The following ST6GALNAC1 variants were observed in gnomAD, a reference collection of about 807,000 sequenced individuals.
ST6GALNAC1 encodes the protein ST6 N-acetylgalactosaminide alpha-2,6-sialyltransferase 1, also known as alpha-N-acetylgalactosaminide alpha-2,6-sialyltransferase 1.
In ST6GALNAC1, 45 loss-of-function variants were observed where a neutral mutation model predicts 56.8. The ratio of observed to expected loss-of-function variants is 0.79; its 90% CI spans 0.62 to 1.02. The LOEUF is 1.02. Among genes scored for constraint, ST6GALNAC1 ranks in the 50% least tolerant of loss-of-function variants. The pLI is 0.00. For missense variants in ST6GALNAC1, 743 were observed against 754.8 expected (o/e 0.98, Z 0.18); for synonymous variants, 295 against 297.8 (o/e 0.99, Z 0.10).
At chr17:76,624,406 C>T (rs140030908), downstream of ST6GALNAC1, among the ~76,000 whole-genome samples, 653 of 152,122 alleles carry the variant, frequency 4.3e-3, 8 homozygotes, top group African/African-American at 0.015. Flanking sequence ...CCCGCCACCA[C>T]GCCCGGCTTA....
intron 1 of ST6GALNAC1, among the ~76,000 whole-genome samples, chr17:76,634,988 G>T (rs2075958479): frequency 6.6e-6 from 1 of 152,152 alleles, no homozygotes; most frequent in Non-Finnish European, 1.5e-5. Flanking sequence ...ACTTTACTTT[G>T]ACTTTAGATG....
At chr17:76,619,851 C>T (rs12450916), downstream of ST6GALNAC1, among the ~76,000 whole-genome samples, 67,817 of 148,132 alleles carry the variant, frequency 0.46, 16,165 homozygotes, top group Non-Finnish European at 0.54. Flanking sequence ...TCAAGCGATT[C>T]TCCTGCCTCA....
intron 1 of ST6GALNAC1, among the ~76,000 whole-genome samples, chr17:76,642,664 C>T (rs2076063298): frequency 6.6e-6 from 1 of 152,132 alleles, no homozygotes. Context: ...GGCGCAGTGG[C>T]TCACGCCTGT....
At position 76,629,309 on chromosome 17, in the gene ST6GALNAC1, C is replaced by A. The variant is rs370860130; in HGVS notation, c.534G>T (p.Arg178Ser). 2.5e-6 allele frequency: 4 copies of A among 1,614,082 alleles called. No individual in the cohort carries two copies. The African/African-American group carries it at 5.3e-5, about 22-fold the overall frequency. The change falls in exon 2 of 9, where the codon AGG (arginine) becomes AGT (serine). Residue 178 changes from arginine (R) to serine (S), a missense_variant. Coordinates refer to ENST00000156626, the MANE Select transcript of ST6GALNAC1 (RefSeq NM_018414.5). ...TGCCCTGGTGCTTCTCTGACACCGTCCTGGAGGCCGTCAGCTTCCTGGTCT... is the reference window on the plus strand; with the variant it reads ...TGCCCTGGTGCTTCTCTGACACCGTACTGGAGGCCGTCAGCTTCCTGGTCT... ...GGQTRKLTAS[R>S]TVSEKHQGKA...
intron 1 of ST6GALNAC1, among the ~76,000 whole-genome samples, chr17:76,632,450 G>T (rs886876271): frequency 6.6e-6 from 1 of 152,068 alleles, no homozygotes; most frequent in Admixed American, 6.6e-5. Flanking sequence ...CTGGAACCCT[G>T]TCTAGCAGCA....
At chr17:76,632,537 A>G (rs112105874) in intron 1 of ST6GALNAC1, among the ~76,000 whole-genome samples, 5 of 152,318 alleles carry the variant, frequency 3.3e-5, no homozygotes, top group African/African-American at 1.2e-4. Context: ...TAGGTTTTGC[A>G]GGAAGTCACA....
the ST6GALNAC1 span, among the ~76,000 whole-genome samples, chr17:76,617,869 T>C: frequency 6.6e-6 from 1 of 152,236 alleles, no homozygotes; most frequent in Non-Finnish European, 1.5e-5. Context: ...TCCTGTCTGT[T>C]TGACATAGTT....
chr17:76,636,207 A>G (rs1408217383), intron 1 of ST6GALNAC1, among the ~76,000 whole-genome samples: 2 of 152,078 alleles, frequency 1.3e-5, no homozygotes, highest in Admixed American at 6.5e-5. Flanking sequence ...ATACAATTAT[A>G]TACTATTTTG....
chr17:76,635,541 G>T (rs1037423370), intron 1 of ST6GALNAC1, among the ~76,000 whole-genome samples: 2 of 152,194 alleles, frequency 1.3e-5, no homozygotes, highest in Non-Finnish European at 2.9e-5. Flanking sequence ...GGAGGCTGAG[G>T]CAGGAGAATT....
intron 8 of ST6GALNAC1, 82 bp downstream of exon 8, chr17:76,625,737 G>T: frequency 5.4e-6 from 7 of 1,290,814 alleles, no homozygotes; most frequent in Non-Finnish European, 6.3e-6. Flanking sequence ...CCCAGCCCAT[G>T]CACTGTCCTA....
chr17:76,626,050 C>T lies in ST6GALNAC1; in HGVS notation c.1461G>A (p.Arg487=), dbSNP rs756929387. The change falls in exon 7 of 9, where the codon AGG becomes AGA. Residue 487 remains arginine, a synonymous_variant. Transcript: ENST00000156626. ...EAFREALHMD[R]YLLLHPDFLR... is the part of the protein sequence containing the mutation. ...GAAAGTCTGGGTGCAGCAACAGGTACCTGTCCATGTGCAGGGCTTCCCGAA... is the reference window on the plus strand; with the variant it reads ...GAAAGTCTGGGTGCAGCAACAGGTATCTGTCCATGTGCAGGGCTTCCCGAA... 1.1e-5 allele frequency: 17 copies of T among 1,614,068 alleles called. No individual in the cohort carries two copies. The highest frequency in any genetic ancestry group is 1.4e-5 in the Non-Finnish European group (17 of 1,180,038).
chr17:76,625,007 C>A lies in ST6GALNAC1; in HGVS notation c.*323G>T. The A allele has an allele frequency of 2.8e-6, 1 of 357,994 alleles. No individual in the cohort carries two copies. The highest frequency in any genetic ancestry group is 3.9e-5 in the South Asian group (1 of 25,334). The allele number at this position is 357,994 out of a possible 1,614,324, so 22.2% of individuals were successfully genotyped here. On this transcript the variant is annotated 3_prime_UTR_variant, in exon 9 of 9. Transcript: ENST00000156626. ...ACCAGATCTATATGTTTCTGTAAAT[C>A]CAGGCTCTTTTTTCTGTATCAAGAA...
At position 76,629,625 on chromosome 17, in the gene ST6GALNAC1, GTCC is replaced by G. The variant is rs1464587793; in HGVS notation, c.215_217del (p.Arg72del). On this transcript the variant is annotated inframe_deletion, in exon 2 of 9. Coordinates refer to ENST00000156626, the MANE Select transcript of ST6GALNAC1 (RefSeq NM_018414.5). ...TGGCACTGGCTCTGCATAGATGGTT[GTCC>G]TCCTTGCCCTTGTGGGTGCCTGGGA... The G allele has an allele frequency of 1.4e-5, 22 of 1,613,570 alleles. No individual in the cohort carries two copies. Among genetic ancestry groups the G allele is most frequent in the Non-Finnish European group, 1.8e-5 (21 of 1,179,772 alleles).
rs774338908 is a variant in ST6GALNAC1 at position 76,629,351 on chromosome 17, G to A, written c.492C>T (p.Thr164=). 3 of 1,614,002 alleles carry A rather than the reference G, an allele frequency of 1.9e-6. No homozygotes were observed. The highest frequency in any genetic ancestry group is 2.7e-5 in the African/African-American group (2 of 74,890). The change falls in exon 2 of 9, where the codon ACC becomes ACT. Residue 164 remains threonine, a synonymous_variant. Coordinates refer to ENST00000156626, the MANE Select transcript of ST6GALNAC1 (RefSeq NM_018414.5). The part of the protein sequence containing the change: ...QSWKSQDTKT[T]QGNGGQTRKL... Reference sequence around the variant, plus strand: ...TCCTGGTCTGGCCCCCATTTCCTTGGGTCGTCTTTGTGTCCTGGCTCTTCC... The same window carrying A: ...TCCTGGTCTGGCCCCCATTTCCTTGAGTCGTCTTTGTGTCCTGGCTCTTCC...
chr17:76,630,711 G>A (rs1384813982), intron 1 of ST6GALNAC1, among the ~76,000 whole-genome samples: 2 of 150,200 alleles, frequency 1.3e-5, no homozygotes, highest in East Asian at 2.0e-4. Context: ...TCAGCCTTCC[G>A]AGTAGCTGGG....
intron 2 of ST6GALNAC1, among the ~76,000 whole-genome samples, chr17:76,628,445 A>G (rs1383027087): frequency 6.6e-6 from 1 of 152,068 alleles, no homozygotes; most frequent in Non-Finnish European, 1.5e-5. Flanking sequence ...ACCCAGCAAC[A>G]TACACATTTT....
chr17:76,635,724 G>A (rs1259126511), intron 1 of ST6GALNAC1, among the ~76,000 whole-genome samples: 1 of 152,204 alleles, frequency 6.6e-6, no homozygotes, highest in Non-Finnish European at 1.5e-5. Flanking sequence ...ACAATGCAAT[G>A]TTTATTCTGC....
chr17:76,625,664 T>A, intron 8 of ST6GALNAC1, 137 bp from the exon 9 acceptor site: 2 of 1,157,354 alleles, frequency 1.7e-6, no homozygotes, highest in South Asian at 3.1e-5. Context: ...GGTCCCTGGA[T>A]ACGCACGCAT....
chr17:76,628,242 C>CCCTT (rs2075837245), intron 2 of ST6GALNAC1, among the ~76,000 whole-genome samples: 2 of 35,534 alleles, frequency 5.6e-5, no homozygotes, highest in Admixed American at 3.3e-4. Flanking sequence ...TGGGCCTTCT[C>CCCTT]CCTCCCTCCC....
Sources: gnomAD v4.1 joint callset for allele counts (sites outside exome capture counted in the v4.1 genomes callset) on GRCh38, gnomAD v4.1.1 for gene constraint, MANE v1.5 for transcripts, NCBI Gene and HGNC (gene_info 2026-07-23, HGNC 2026-07-21) for gene names.